The following SARDH variants were observed in gnomAD, a reference collection of about 807,000 sequenced individuals.
SARDH encodes the protein sarcosine dehydrogenase, mitochondrial.
In SARDH, 95 loss-of-function variants were observed where a neutral mutation model predicts 109.1. The ratio of observed to expected loss-of-function variants is 0.87; its 90% CI spans 0.74 to 1.03. SARDH has a LOEUF of 1.03. Ranked by LOEUF, SARDH falls within the 50% of genes least tolerant of loss-of-function variation. The pLI is 0.00. For synonymous variants in SARDH, 572 were observed against 534.8 expected (o/e 1.07, Z -0.96); for missense variants, 1,267 against 1,287.8 (o/e 0.98, Z 0.25).
chr9:133,678,706 G>A (rs776478875), intron 17 of SARDH, among the ~76,000 whole-genome samples: 2 of 152,164 alleles, frequency 1.3e-5, no homozygotes, highest in African/African-American at 2.4e-5. Context: ...ATCCCCTGCC[G>A]TCCAACACCT....
intron 3 of SARDH, 61 bp from the exon 4 acceptor site, chr9:133,731,545 C>T (rs1832682917): frequency 2.6e-6 from 4 of 1,549,242 alleles, no homozygotes; most frequent in Admixed American, 1.8e-5. Flanking sequence ...GGCCACTCCC[C>T]TCCCCAACTG....
chr9:133,711,699 T>C (rs1831924641), intron 10 of SARDH, among the ~76,000 whole-genome samples: 1 of 152,124 alleles, frequency 6.6e-6, no homozygotes, highest in Non-Finnish European at 1.5e-5. Context: ...CCAGGCCTTC[T>C]CCCTCCGGAG....
intron 2 of SARDH, among the ~76,000 whole-genome samples, chr9:133,733,063 G>A (rs1394923693): frequency 2.0e-5 from 3 of 152,342 alleles, no homozygotes; most frequent in Non-Finnish European, 4.4e-5. Flanking sequence ...CTGAATGTGA[G>A]AGGTGGCAGG....
chr9:133,677,439 C>A (rs1449765389), intron 17 of SARDH, among the ~76,000 whole-genome samples: 1 of 152,072 alleles, frequency 6.6e-6, no homozygotes, highest in East Asian at 1.9e-4. Flanking sequence ...AGAGCAGATA[C>A]CTGGCCAGGT....
chr9:133,730,335 C>T (rs369559211), intron 4 of SARDH, 148 bp from the exon 5 acceptor site: 24 of 1,039,440 alleles, frequency 2.3e-5, no homozygotes, highest in Middle Eastern at 4.3e-4. Flanking sequence ...TCAGGGAAAC[C>T]GGATGACCAC....
chr9:133,731,231 T>G, intron 4 of SARDH, 74 bp downstream of exon 4: 1 of 1,561,538 alleles, frequency 6.4e-7, no homozygotes, highest in South Asian at 1.2e-5. Flanking sequence ...TTCTCTTCCC[T>G]TCTGCTCTCA....
intron 17 of SARDH, among the ~76,000 whole-genome samples, chr9:133,684,434 CAG>C (rs1830812520): frequency 1.3e-5 from 2 of 152,246 alleles, no homozygotes; most frequent in South Asian, 2.1e-4. Context: ...CCTCGGCAAA[CAG>C]GGGCTGCTGT....
intron 1 of SARDH, 98 bp from the exon 2 acceptor site, chr9:133,734,301 A>G (rs1397531044): frequency 1.4e-6 from 1 of 697,766 alleles, no homozygotes; most frequent in African/African-American, 1.8e-5. Context: ...GTTACCTCCC[A>G]GGGCCTTCCT....
chr9:133,732,527 C>T lies in SARDH; in HGVS notation c.406G>A (p.Glu136Lys), dbSNP rs1815835740. The T allele has an allele frequency of 1.9e-6, 3 of 1,613,982 alleles. No individual in the cohort carries two copies. Among genetic ancestry groups the T allele is most frequent in the South Asian group, 2.2e-5 (2 of 91,082 alleles). The change falls in exon 3 of 21, where the codon GAG becomes AAG. Residue 136 changes from glutamate to lysine, a missense_variant. Glu to Lys is a moderately conservative substitution (Grantham distance 56). Coordinates refer to ENST00000439388, the MANE Select transcript of SARDH (RefSeq NM_001134707.2). ...LAHTRRVVSR[E>K]LEEETGLHTG... ...TGTAGTCCCGTCTCCTCCTCCAGCT[C>T]CCGGCTCACCACCCGCCGAGTGTGG...
downstream of SARDH, among the ~76,000 whole-genome samples, chr9:133,662,222 C>G (rs3025438): frequency 6.6e-6 from 1 of 152,108 alleles, no homozygotes; most frequent in East Asian, 1.9e-4. The surrounding 1 kb of genome is among the most constrained non-coding windows in gnomAD (Gnocchi z 5.1). Flanking sequence ...AGGGTGGTGC[C>G]GTTGCGTGCA....
Position 133,682,871 on chromosome 9 carries a change from G to A in SARDH, c.2163+2322C>T, listed in dbSNP as rs954400118. On this transcript the variant is annotated intron_variant, in intron 17 of 20. Coordinates refer to ENST00000439388, the MANE Select transcript of SARDH (RefSeq NM_001134707.2). ...GATGGTTGGAAACTGCTAGAAGCGA[G>A]GTCTGCACTCAGCCCCTGTGCTGAA... is the stretch of plus-strand genomic sequence containing the variant. Among the ~76,000 whole-genome samples the A allele has an allele frequency of 1.1e-4, 16 of 146,372 alleles. 1 individual carries two copies. Among genetic ancestry groups the A allele is most frequent in the Non-Finnish European group, 2.4e-4 (16 of 67,346 alleles).
chr9:133,661,359 C>CA (rs199777050), downstream of SARDH, among the ~76,000 whole-genome samples: 3,262 of 148,712 alleles, frequency 0.022, 48 homozygotes, highest in Non-Finnish European at 0.031. Flanking sequence ...ACAACAACAA[C>CA]AAAAAAAAAC....
In SARDH at chr9:133,693,949, T is replaced by C. The variant is rs1831190833; in HGVS notation, c.1921+309A>G. Among the ~76,000 whole-genome samples, 1 of 152,022 alleles carries C rather than the reference T, an allele frequency of 6.6e-6. No individual in the cohort carries two copies. The highest frequency in any genetic ancestry group is 2.1e-4 in the South Asian group (1 of 4,830). On this transcript the variant is annotated intron_variant, in intron 15 of 20. Transcript: ENST00000439388. This position sits in a 1 kb window ranked among gnomAD's most constrained non-coding sequence, Gnocchi z 5.6. ...TTTGAGTGGGAGGCACGGCCTAGCA[T>C]TGGTACGCTTTGTTCCGGGAAACCG...
At chr9:133,722,767 T>C (rs1040396528) in intron 6 of SARDH, among the ~76,000 whole-genome samples, 3 of 151,842 alleles carry the variant, frequency 2.0e-5, no homozygotes, top group Admixed American at 6.6e-5. Context: ...CTGCACCTCC[T>C]GGGTTCAAGT....
chr9:133,722,504 T>C (rs1832357824), intron 6 of SARDH, among the ~76,000 whole-genome samples: 1 of 152,196 alleles, frequency 6.6e-6, no homozygotes, highest in South Asian at 2.1e-4. Context: ...TTGGAGGTTT[T>C]AGCCAGGGCA....
At chr9:133,667,290 C>T (rs10993956) in intron 19 of SARDH, among the ~76,000 whole-genome samples, 43,012 of 149,410 alleles carry the variant, frequency 0.29, 6,394 homozygotes, top group East Asian at 0.39. Flanking sequence ...CCTCAGCCTC[C>T]GGAGTAGCTG....
At chr9:133,722,640 G>GCTCTCTCTCTCT (rs1491335172) in intron 6 of SARDH, among the ~76,000 whole-genome samples, 5 of 98,816 alleles carry the variant, frequency 5.1e-5, no homozygotes, top group African/African-American at 1.7e-4. Context: ...AAAACTACTA[G>GCTCTCTCTCTCT]CGCTCTCTCT....
intron 11 of SARDH, among the ~76,000 whole-genome samples, chr9:133,705,835 G>A (rs1243713133): frequency 6.6e-6 from 1 of 152,200 alleles, no homozygotes; most frequent in Non-Finnish European, 1.5e-5. Context: ...GGTCATCAGG[G>A]TGGGTCCTAA....
chr9:133,722,698 A>G (rs1832369674), intron 6 of SARDH, among the ~76,000 whole-genome samples: 1 of 146,302 alleles, frequency 6.8e-6, no homozygotes, highest in African/African-American at 2.6e-5. Flanking sequence ...TCTTTCTGAC[A>G]GAGTCCTGCT....
Sources: allele counts gnomAD v4.1 joint callset (sites outside exome capture counted in the v4.1 genomes callset), GRCh38; gene constraint gnomAD v4.1.1; non-coding constraint Gnocchi (gnomAD v3.1); transcripts MANE v1.5; gene names NCBI Gene and HGNC (gene_info 2026-07-23, HGNC 2026-07-21).